The following TMEM41B variants were observed in gnomAD, a reference collection of about 807,000 sequenced individuals.
TMEM41B encodes the protein transmembrane protein 41B.
TMEM41B carries 18 observed loss-of-function variants against 31.9 expected under a neutral mutation model. That is an observed-to-expected ratio of 0.56 (90% CI 0.39 to 0.84). The LOEUF (loss-of-function observed/expected upper bound fraction) is 0.84, where lower values mean the gene tolerates loss of function less well. Among genes scored for constraint, TMEM41B ranks in the 40% least tolerant of loss-of-function variants. TMEM41B has a pLI of 0.00. For missense variants in TMEM41B, 322 were observed against 348.0 expected (o/e 0.93, Z 0.59); for synonymous variants, 144 against 124.3 (o/e 1.16, Z -1.05).
rs763097671 is a variant in TMEM41B, at chr11:9,314,575, T to G, written c.-134A>C. 155 of 1,309,946 alleles carry G rather than the reference T, an allele frequency of 1.2e-4. 1 individual carries two copies. Among genetic ancestry groups the G allele is most frequent in the Non-Finnish European group, 1.5e-4 (152 of 983,374 alleles). The allele number at this position is 1,309,946 out of a possible 1,614,324, so 81.1% of individuals were successfully genotyped here. On this transcript the variant is annotated 5_prime_UTR_variant, in exon 1 of 7. Transcript: ENST00000528080. ...CGCGACCTCCTCACCCGAGACGACC[T>G]CAGCCCAGCGAGTACTGCAACCTCC...
At chr11:9,303,649 T>C (rs1853309447) in intron 1 of TMEM41B, among the ~76,000 whole-genome samples, 1 of 137,706 alleles carries the variant, frequency 7.3e-6, no homozygotes, top group Non-Finnish European at 1.5e-5. Context: ...TTATTCTTTT[T>C]CTTTTTTTTT....
At chr11:9,283,615 T>C (rs369172745) in intron 6 of TMEM41B, 22 bp from the exon 7 acceptor site, 2 of 1,587,842 alleles carry the variant, frequency 1.3e-6, no homozygotes, top group African/African-American at 1.4e-5. Flanking sequence ...TATAAAAAGA[T>C]ACAGTAAAAA....
chr11:9,285,005 G>T (rs1187635230), intron 6 of TMEM41B, among the ~76,000 whole-genome samples: 4 of 151,362 alleles, frequency 2.6e-5, no homozygotes, highest in African/African-American at 7.3e-5. Flanking sequence ...CCATGGATAT[G>T]ACATTTAACA....
chr11:9,314,266 C>A, intron 1 of TMEM41B, 55 bp downstream of exon 1: 1 of 1,536,780 alleles, frequency 6.5e-7, no homozygotes, highest in Non-Finnish European at 8.7e-7. Context: ...CTTTTCCCCA[C>A]CCGACACACA....
chr11:9,288,450 C>G lies in TMEM41B; in HGVS notation c.454G>C (p.Val152Leu). The change falls in exon 4 of 7, where the codon GTT becomes CTT. Residue 152 changes from valine to leucine, a missense_variant. Transcript: ENST00000528080. ...TATTTTTTCATACTTACCAAACAAA[C>G]AAGAAATAAGGCTAGTGGAAAGGGA... ...LYPFPLALFL[V>L]CLCSGLGASF... is the part of the protein sequence containing the mutation. 1.9e-6 allele frequency: 3 copies of G among 1,576,278 alleles called. No homozygotes were observed. Among genetic ancestry groups the G allele is most frequent in the Non-Finnish European group, 1.7e-6 (2 of 1,166,268 alleles).
At chr11:9,283,733 G>A (rs894408911) in intron 6 of TMEM41B, 140 bp from the exon 7 acceptor site, 1 of 687,272 alleles carries the variant, frequency 1.5e-6, no homozygotes, top group Non-Finnish European at 2.3e-6. Context: ...TAAAGCTCAA[G>A]TTTATTTCCA....
At chr11:9,307,249 C>T (rs1300896143) in intron 1 of TMEM41B, among the ~76,000 whole-genome samples, 7 of 152,040 alleles carry the variant, frequency 4.6e-5, no homozygotes, top group Non-Finnish European at 1.0e-4. Context: ...GATCCCACCA[C>T]GAACGAAGGA....
Position 9,314,576 on chromosome 11 carries a change from C to G in TMEM41B, c.-135G>C, listed in dbSNP as rs1564971449. 1 of 1,301,174 alleles carries G rather than the reference C, an allele frequency of 7.7e-7. No homozygotes were observed. The highest frequency in any genetic ancestry group is 1.0e-6 in the Non-Finnish European group (1 of 975,392). 80.6% of individuals were successfully genotyped at this position (1,301,174 alleles called of 1,614,324 possible). ...GCGACCTCCTCACCCGAGACGACCT[C>G]AGCCCAGCGAGTACTGCAACCTCCT... On this transcript the variant is annotated 5_prime_UTR_variant, in exon 1 of 7. Coordinates refer to ENST00000528080, the MANE Select transcript of TMEM41B (RefSeq NM_015012.4).
At chr11:9,304,935 C>T (rs766543554) in intron 1 of TMEM41B, among the ~76,000 whole-genome samples, 1 of 151,986 alleles carries the variant, frequency 6.6e-6, no homozygotes, top group Non-Finnish European at 1.5e-5. Flanking sequence ...GAATTACAGG[C>T]GTGAGCCACC....
intron 6 of TMEM41B, 36 bp from the exon 7 acceptor site, chr11:9,283,629 C>A (rs752564986): frequency 6.5e-7 from 1 of 1,546,306 alleles, no homozygotes; most frequent in Admixed American, 2.2e-5. Flanking sequence ...GTAAAAACCA[C>A]CGCAATTGTT....
chr11:9,299,799 CT>C (rs1239548233), intron 1 of TMEM41B, 98 bp from the exon 2 acceptor site: 1 of 911,116 alleles, frequency 1.1e-6, no homozygotes, highest in Non-Finnish European at 1.7e-6. Flanking sequence ...ATGGCGTGTG[CT>C]TTTGCCTAAA....
rs562742550 is a variant in TMEM41B at position 9,314,400 on chromosome 11, A to G, written c.42T>C (p.Ala14=). ...CGTCCCCCACGGGGGTCGTGTGGTG[A>G]GCGCCCAACTGCGATCGTTCGGCGA... ...GRVAERSQLG[A]HHTTPVGDGA... The change falls in exon 1 of 7, where the codon GCT becomes GCC. Residue 14 remains alanine (A), a synonymous_variant. Coordinates refer to ENST00000528080, the MANE Select transcript of TMEM41B (RefSeq NM_015012.4). 3.0e-4 allele frequency: 471 copies of G among 1,569,924 alleles called. 8 individuals are homozygous for G. In the South Asian group the frequency reaches 5.3e-3, roughly 18 times the overall value.
intron 1 of TMEM41B, among the ~76,000 whole-genome samples, chr11:9,301,349 C>T (rs1265757942): frequency 1.3e-5 from 2 of 152,064 alleles, no homozygotes; most frequent in Admixed American, 6.6e-5. Context: ...GAGCCAAGAT[C>T]GCACCACTGC....
At chr11:9,301,328 G>C (rs10770013) in intron 1 of TMEM41B, among the ~76,000 whole-genome samples, 59,856 of 151,822 alleles carry the variant, frequency 0.39, 12,652 homozygotes, top group East Asian at 0.5. Flanking sequence ...CTGGGAGGCG[G>C]AGCTTGCAGT....
chr11:9,293,886 C>A (rs1853015121), intron 3 of TMEM41B, among the ~76,000 whole-genome samples: 1 of 152,078 alleles, frequency 6.6e-6, no homozygotes, highest in African/African-American at 2.4e-5. Flanking sequence ...CTGGCTACTT[C>A]TGATTCTTTT....
intron 4 of TMEM41B, 103 bp from the exon 5 acceptor site, chr11:9,287,909 G>A (rs1319185493): frequency 3.6e-6 from 3 of 827,796 alleles, no homozygotes; most frequent in Admixed American, 5.0e-5. Flanking sequence ...TCTTTCAGAG[G>A]TGGGGAGGGT....
intron 1 of TMEM41B, among the ~76,000 whole-genome samples, chr11:9,306,725 A>G (rs755836087): frequency 1.3e-5 from 2 of 152,022 alleles, no homozygotes; most frequent in Non-Finnish European, 2.9e-5. Context: ...CTTGGCCTAC[A>G]AGACGTTCAA....
chr11:9,285,854 C>T lies in TMEM41B; in HGVS notation c.706+601G>A, dbSNP rs960228355. Among the ~76,000 whole-genome samples the T allele has an allele frequency of 6.6e-5, 10 of 151,432 alleles. No homozygotes were observed. The South Asian group carries it at 1.7e-3, about 25-fold the overall frequency. On this transcript the variant is annotated intron_variant, in intron 6 of 6. Transcript: ENST00000528080. ...AGAAAGGGCTGGGTGCGGTGGCTCA[C>T]GCCTATAATCCCAGCACTTTGGGAG...
chr11:9,294,092 G>A (rs1426892178), intron 3 of TMEM41B, among the ~76,000 whole-genome samples: 1 of 148,834 alleles, frequency 6.7e-6, no homozygotes, highest in African/African-American at 2.5e-5. Context: ...GAGGTGGGAG[G>A]ATCACTTGAG....
Sources: gnomAD v4.1 joint callset for allele counts (sites outside exome capture counted in the v4.1 genomes callset) on GRCh38, gnomAD v4.1.1 for gene constraint, MANE v1.5 for transcripts, NCBI Gene and HGNC (gene_info 2026-07-23, HGNC 2026-07-21) for gene names.